Variants in DHRSX observed in about 807,000 individuals in gnomAD.
DHRSX encodes the protein dehydrogenase/reductase X-linked.
DHRSX carries 31 observed loss-of-function variants against 34.0 expected under a neutral mutation model. That is an observed-to-expected ratio of 0.91 (90% confidence interval 0.69 to 1.23). DHRSX has a LOEUF of 1.23. Among genes scored for constraint, DHRSX ranks in the 50% most tolerant of loss-of-function variants. The pLI is 0.00. For synonymous variants in DHRSX, 201 were observed against 183.8 expected (o/e 1.09, Z -0.76); for missense variants, 414 against 428.1 (o/e 0.97, Z 0.29).
chrX:2,277,314 GAAGGAAGAGGAGGAAAT>G (rs2041681551), intron 4 of DHRSX, among the ~76,000 whole-genome samples: 1 of 6,680 alleles, frequency 1.5e-4, no homozygotes, highest in Admixed American at 1.0e-3. Context: ...GAGGGAGAGA[GAAGGAAGAGGAGGAAAT>G]GGGGGAAAGA....
chrX:2,270,909 A>G lies in DHRSX; in HGVS notation c.389-3962T>C, dbSNP rs749570884. ...CAATGCTCTATAAAATGGACCAATC[A>G]GCACTCTGTAAAATGGACCAATCAG... On this transcript the variant is annotated intron_variant, in intron 4 of 6. Coordinates refer to ENST00000334651, the MANE Select transcript of DHRSX (RefSeq NM_145177.3). Among the ~76,000 whole-genome samples, 8 of 149,226 alleles carry G rather than the reference A, an allele frequency of 5.4e-5. No individual in the cohort carries two copies. In the East Asian group the frequency reaches 1.6e-3, roughly 30 times the overall value.
At chrX:2,240,698 C>A (rs1418632879) in intron 6 of DHRSX, among the ~76,000 whole-genome samples, 1 of 151,942 alleles carries the variant, frequency 6.6e-6, no homozygotes, top group African/African-American at 2.4e-5. Context: ...TGAATCGTGG[C>A]GGTGTTTCAA....
intron 1 of DHRSX, chrX:2,490,601 A>G (rs2045110722): frequency 6.2e-7 from 1 of 1,613,856 alleles, no homozygotes; most frequent in Non-Finnish European, 8.5e-7. Context: ...CTTCCACTGC[A>G]GGATGCATCC....
At chrX:2,243,482 A>T (rs2016192959) in intron 5 of DHRSX, among the ~76,000 whole-genome samples, 1 of 151,628 alleles carries the variant, frequency 6.6e-6, no homozygotes, top group African/African-American at 2.4e-5. Context: ...CTAATTTTTT[A>T]TTTATTTATT....
intron 3 of DHRSX, among the ~76,000 whole-genome samples, chrX:2,341,425 G>GTT (rs2042638148): frequency 6.6e-6 from 1 of 152,228 alleles, no homozygotes; most frequent in Non-Finnish European, 1.5e-5. Context: ...GGGGGCTCCA[G>GTT]GCATCCCTGG....
chrX:2,448,742 G>C (rs753432147), intron 1 of DHRSX, among the ~76,000 whole-genome samples: 2 of 152,120 alleles, frequency 1.3e-5, no homozygotes, highest in South Asian at 4.2e-4. Flanking sequence ...AAAATGACTC[G>C]CATTTCCAGG....
At chrX:2,354,850 C>T (rs1252021364) in intron 3 of DHRSX, among the ~76,000 whole-genome samples, 4 of 151,956 alleles carry the variant, frequency 2.6e-5, no homozygotes, top group East Asian at 1.9e-4. Flanking sequence ...CTGAGGTCCA[C>T]GGGGCAAGGA....
intron 1 of DHRSX, among the ~76,000 whole-genome samples, chrX:2,496,954 T>C (rs771352575): frequency 6.6e-6 from 1 of 151,458 alleles, no homozygotes; most frequent in South Asian, 2.1e-4. Context: ...AACATGTAAT[T>C]GGCCTGTTAC....
intron 3 of DHRSX, among the ~76,000 whole-genome samples, chrX:2,297,841 A>C (rs1346476915): frequency 1.3e-5 from 2 of 149,638 alleles, no homozygotes; most frequent in Non-Finnish European, 3.0e-5. Flanking sequence ...TGCAACCTCC[A>C]CTTCCCGAGT....
At position 2,346,653 on chromosome X, in the gene DHRSX, T is replaced by TTTTTG. The variant is rs1556483986; in HGVS notation, c.287-55051_287-55050insCAAAA. Among the ~76,000 whole-genome samples the TTTTTG allele has an allele frequency of 7.1e-3, 1,078 of 150,816 alleles. 7 individuals carry two copies. Among genetic ancestry groups the TTTTTG allele is most frequent in the Non-Finnish European group, 9.8e-3 (663 of 67,760 alleles). On this transcript the variant is annotated intron_variant, in intron 3 of 6. Coordinates refer to ENST00000334651, the MANE Select transcript of DHRSX (RefSeq NM_145177.3). ...GATGTTGTATGAGTCTGGTTTTTTT[T>TTTTTG]TTGTTGTTGTTGTTTAATACTTTAA...
At chrX:2,235,517 G>C (rs771786337) in intron 6 of DHRSX, among the ~76,000 whole-genome samples, 1 of 151,710 alleles carries the variant, frequency 6.6e-6, no homozygotes, top group Admixed American at 6.6e-5. Context: ...GGCCGAGGCC[G>C]GCGGATCACA....
intron 4 of DHRSX, among the ~76,000 whole-genome samples, chrX:2,275,704 G>GT (rs950366567): frequency 2.6e-5 from 4 of 151,162 alleles, no homozygotes; most frequent in African/African-American, 4.9e-5. Context: ...TAATTTGCCT[G>GT]TTTTTTTCTG....
In DHRSX at chrX:2,339,381, C is replaced by T. The variant is rs774841591; in HGVS notation, c.287-47778G>A. Among the ~76,000 whole-genome samples, 18 of 152,074 alleles carry T rather than the reference C, an allele frequency of 1.2e-4. 1 individual carries two copies. Among genetic ancestry groups the T allele is most frequent in the Admixed American group, 4.6e-4 (7 of 15,182 alleles). On this transcript the variant is annotated intron_variant, in intron 3 of 6. Transcript: ENST00000334651. ...CTTGAACTCCTGACTTAAGGTAATC[C>T]GCTCGCCTCAGCCTCCCAAACTGTT... is the stretch of plus-strand genomic sequence containing the variant.
At chrX:2,237,337 C>T (rs1012905849) in intron 6 of DHRSX, among the ~76,000 whole-genome samples, 1 of 151,996 alleles carries the variant, frequency 6.6e-6, no homozygotes, top group African/African-American at 2.4e-5. Flanking sequence ...ATGCTTAAGA[C>T]AAGCAATGAT....
intron 2 of DHRSX, among the ~76,000 whole-genome samples, chrX:2,422,387 C>T (rs186956189): frequency 1.3e-5 from 2 of 152,026 alleles, no homozygotes; most frequent in South Asian, 2.1e-4. Flanking sequence ...CTCAGCCTCC[C>T]GAGCAGCTGG....
At chrX:2,282,874 GGAGA>G (rs912107731) in intron 4 of DHRSX, among the ~76,000 whole-genome samples, 2 of 143,126 alleles carry the variant, frequency 1.4e-5, no homozygotes, top group Non-Finnish European at 3.1e-5. Flanking sequence ...AGAGAGAGGG[GGAGA>G]GAGGGAGGGA....
At chrX:2,255,823 A>G (rs2041269301) in intron 5 of DHRSX, among the ~76,000 whole-genome samples, 1 of 151,314 alleles carries the variant, frequency 6.6e-6, no homozygotes, top group African/African-American at 2.4e-5. Context: ...CTGAGACAGG[A>G]GAATCACTTG....
In DHRSX at chrX:2,246,708, G is replaced by GAAAGAAAGAAAGAAAGA. The variant is rs1183837850; in HGVS notation, c.597-3495_597-3479dup. Among the ~76,000 whole-genome samples the GAAAGAAAGAAAGAAAGA allele has an allele frequency of 8.6e-3, 710 of 82,280 alleles. 15 individuals are homozygous for GAAAGAAAGAAAGAAAGA. The highest frequency in any genetic ancestry group is 0.027 in the African/African-American group (670 of 24,414). 54.0% of individuals were successfully genotyped at this position (82,280 alleles called of 152,430 possible). On this transcript the variant is annotated intron_variant, in intron 5 of 6. Transcript: ENST00000334651. ...AAAAAGAAAAGAAAAGAAAGAAAGAGAAAGAAAGAAAGAAAGAAAGAAAGA... is the reference window on the plus strand; with the variant it reads ...AAAAAGAAAAGAAAAGAAAGAAAGAGAAAGAAAGAAAGAAAGAAAAGAAAGAAAGAAAGAAAGAAAGA...
intron 5 of DHRSX, among the ~76,000 whole-genome samples, chrX:2,248,832 T>C (rs2016365168): frequency 6.6e-6 from 1 of 152,000 alleles, no homozygotes; most frequent in East Asian, 1.9e-4. Flanking sequence ...GATCACACCC[T>C]CTTCCTCCAA....
Sources: allele counts gnomAD v4.1 joint callset (sites outside exome capture counted in the v4.1 genomes callset), GRCh38; gene constraint gnomAD v4.1.1; transcripts MANE v1.5; gene names NCBI Gene and HGNC (gene_info 2026-07-23, HGNC 2026-07-21).